DPY19L4: variants seen among roughly 807,000 people sequenced by gnomAD.
DPY19L4 encodes the protein probable C-mannosyltransferase DPY19L4.
A neutral mutation model predicts 102.8 loss-of-function variants in DPY19L4; 97 were observed. The ratio of observed to expected loss-of-function variants is 0.94; its 90% CI spans 0.80 to 1.12. DPY19L4 has a LOEUF of 1.12. Ranked by LOEUF, DPY19L4 falls within the 50% of genes most tolerant of loss-of-function variation. The pLI is 0.00. For synonymous variants in DPY19L4, 252 were observed against 283.1 expected, an observed-to-expected ratio of 0.89 and a Z score of 1.10; for missense variants, 815 against 850.4, an observed-to-expected ratio of 0.96 and a Z score of 0.52.
At chr8:94,782,354 G>C (rs1207900286) in intron 16 of DPY19L4, among the ~76,000 whole-genome samples, 1 of 152,100 alleles carries the variant, frequency 6.6e-6, no homozygotes, top group Non-Finnish European at 1.5e-5. Flanking sequence ...CCCAAGAGCA[G>C]CAAAAGAGGG....
At chr8:94,742,530 C>A (rs1219721026) in intron 6 of DPY19L4, among the ~76,000 whole-genome samples, 1 of 146,086 alleles carries the variant, frequency 6.8e-6, no homozygotes, top group East Asian at 2.1e-4. Flanking sequence ...GTAGCTGGGA[C>A]CACAGGCACA....
At chr8:94,745,297 CAG>C (rs1811623463) in intron 6 of DPY19L4, among the ~76,000 whole-genome samples, 1 of 151,954 alleles carries the variant, frequency 6.6e-6, no homozygotes, top group South Asian at 2.1e-4. Context: ...AATGGACTGA[CAG>C]AGTCCAGGTT....
At chr8:94,733,999 A>G (rs1341480844) in intron 2 of DPY19L4, among the ~76,000 whole-genome samples, 1 of 151,726 alleles carries the variant, frequency 6.6e-6, no homozygotes, top group African/African-American at 2.4e-5. Flanking sequence ...TTGATACATT[A>G]TTATTAATTT....
chr8:94,749,484 A>C (rs1811825172), intron 6 of DPY19L4, among the ~76,000 whole-genome samples: 1 of 151,952 alleles, frequency 6.6e-6, no homozygotes, highest in Non-Finnish European at 1.5e-5. Context: ...TCCTGATGCA[A>C]CCCCCTAGAG....
intron 1 of DPY19L4, among the ~76,000 whole-genome samples, chr8:94,721,336 A>C (rs906764729): frequency 5.9e-5 from 9 of 152,226 alleles, no homozygotes; most frequent in African/African-American, 1.9e-4. Flanking sequence ...AGAAGTGTTT[A>C]CTGATGTGTG....
intron 6 of DPY19L4, among the ~76,000 whole-genome samples, chr8:94,751,123 CT>C (rs1232060280): frequency 9.0e-4 from 118 of 130,634 alleles, no homozygotes; most frequent in Admixed American, 9.5e-4. Flanking sequence ...TCTTTCTTTT[CT>C]TTTTTTTTTT....
At chr8:94,723,935 T>C (rs1810580683) in intron 1 of DPY19L4, among the ~76,000 whole-genome samples, 2 of 152,346 alleles carry the variant, frequency 1.3e-5, no homozygotes, top group African/African-American at 4.8e-5. Context: ...ATTTGTATAC[T>C]TCATAAATTA....
intron 4 of DPY19L4, among the ~76,000 whole-genome samples, chr8:94,738,676 G>A (rs1354442201): frequency 6.6e-6 from 1 of 151,762 alleles, no homozygotes; most frequent in Non-Finnish European, 1.5e-5. Flanking sequence ...ACCATGCCCG[G>A]CTAATTTTTG....
At chr8:94,729,271 C>T (rs13253747) in intron 2 of DPY19L4, among the ~76,000 whole-genome samples, 62,657 of 151,450 alleles carry the variant, frequency 0.41, 13,237 homozygotes, top group Non-Finnish European at 0.45. Context: ...ACTTGGGAGG[C>T]TGAGACAGGA....
intron 18 of DPY19L4, 43 bp downstream of exon 18, chr8:94,788,095 A>ATATATATATTTTTTTT (rs778540423): frequency 1.1e-6 from 1 of 939,262 alleles, no homozygotes; most frequent in African/African-American, 2.3e-5. Flanking sequence ...ATATATATAT[A>ATATATATATTTTTTTT]TTTTTTTTTT....
chr8:94,748,782 G>A (rs539877851), intron 6 of DPY19L4, among the ~76,000 whole-genome samples: 21 of 152,262 alleles, frequency 1.4e-4, no homozygotes, highest in African/African-American at 4.3e-4. Flanking sequence ...TGTGAACTGC[G>A]CATTTGAGGG....
chr8:94,762,842 G>A (rs560329731), intron 8 of DPY19L4, among the ~76,000 whole-genome samples: 3 of 152,164 alleles, frequency 2.0e-5, no homozygotes, highest in African/African-American at 7.2e-5. Context: ...AATTAAAAAA[G>A]GGAATAGATC....
At chr8:94,744,555 G>C (rs1259712887) in intron 6 of DPY19L4, 1 of 456,398 alleles carries the variant, frequency 2.2e-6, no homozygotes, top group Admixed American at 2.3e-5. Context: ...AGGAATCATT[G>C]GGACCGTCTT....
At chr8:94,722,571 C>G (rs1381700368) in intron 1 of DPY19L4, among the ~76,000 whole-genome samples, 1 of 152,054 alleles carries the variant, frequency 6.6e-6, no homozygotes, top group African/African-American at 2.4e-5. Flanking sequence ...TATTCATACC[C>G]TATTAGATGC....
Position 94,793,437 on chromosome 8 carries a change from T to C in DPY19L4, c.*3527T>C, listed in dbSNP as rs1320513052. 5.9e-5 allele frequency: 9 copies of C among 152,356 alleles called. No homozygotes were observed. The highest frequency in any genetic ancestry group is 2.6e-4 in the Admixed American group (4 of 15,304). The allele number at this position is 152,356 out of a possible 1,614,324, so 9.4% of individuals were successfully genotyped here. A position where few individuals can be genotyped will look rare whatever the true frequency, so the allele number is the denominator to read the frequency against. On this transcript the variant is annotated 3_prime_UTR_variant, in exon 19 of 19. Transcript: ENST00000414645. Reference sequence around the variant, plus strand: ...TTTTAAAAAGTGTAAATTGCCTTTTTTGTTAAACTTATTTTAAATGCTTTA... The same window carrying C: ...TTTTAAAAAGTGTAAATTGCCTTTTCTGTTAAACTTATTTTAAATGCTTTA...
rs1215337757 is a variant in DPY19L4, at chr8:94,768,383, TG to T, written c.1176-11del. On this transcript the variant is annotated splice_polypyrimidine_tract_variant and intron_variant, in intron 11 of 18. Coordinates refer to ENST00000414645, the MANE Select transcript of DPY19L4 (RefSeq NM_181787.3). ...TCTATGAATTTAATATCATACTTTTTGTCTTCTATAGGAATTTTACAATGAA... is the reference window on the plus strand; with the variant it reads ...TCTATGAATTTAATATCATACTTTTTTCTTCTATAGGAATTTTACAATGAA... The T allele has an allele frequency of 3.0e-5, 48 of 1,581,872 alleles. No individual in the cohort carries two copies. The highest frequency in any genetic ancestry group is 3.9e-5 in the Non-Finnish European group (46 of 1,169,410).
At chr8:94,768,100 A>G (rs1041217805) in intron 11 of DPY19L4, among the ~76,000 whole-genome samples, 3 of 152,184 alleles carry the variant, frequency 2.0e-5, no homozygotes, top group African/African-American at 7.2e-5. Flanking sequence ...TCTTCTAGAT[A>G]AAGATAGAAA....
chr8:94,770,084 A>C (rs1219093497), intron 12 of DPY19L4, among the ~76,000 whole-genome samples: 1 of 151,972 alleles, frequency 6.6e-6, no homozygotes, highest in Non-Finnish European at 1.5e-5. Flanking sequence ...ATGGGGTTTC[A>C]TCATGTTGGC....
chr8:94,753,993 G>A (rs560835884), intron 6 of DPY19L4, among the ~76,000 whole-genome samples: 1 of 152,134 alleles, frequency 6.6e-6, no homozygotes, highest in South Asian at 2.1e-4. Context: ...ACCAGCCTGG[G>A]CAACGTGGCA....
Sources: gnomAD v4.1 joint callset for allele counts (sites outside exome capture counted in the v4.1 genomes callset) on GRCh38, gnomAD v4.1.1 for gene constraint, MANE v1.5 for transcripts, NCBI Gene and HGNC (gene_info 2026-07-23, HGNC 2026-07-21) for gene names.